TLE3: variants seen among roughly 807,000 people sequenced by gnomAD.
TLE3 encodes TLE family member 3, transcriptional corepressor.
TLE3 carries 14 observed loss-of-function variants against 93.0 expected under a neutral mutation model. The ratio of observed to expected loss-of-function variants is 0.15; its 90% CI spans 0.10 to 0.24. The LOEUF (loss-of-function observed/expected upper bound fraction) is 0.24, where lower values mean the gene tolerates loss of function less well. TLE3 is among the 10% of genes least tolerant of loss of function. The pLI is 1.00. For synonymous variants in TLE3, 451 were observed against 425.0 expected (o/e 1.06, Z -0.75); for missense variants, 693 against 1,046.6 (o/e 0.66, Z 4.66).
intron 8 of TLE3, 51 bp downstream of exon 8, chr15:70,064,403 C>G (rs1399320390): frequency 1.2e-6 from 2 of 1,610,448 alleles, no homozygotes; most frequent in South Asian, 1.1e-5. Flanking sequence ...CGAGTCCCAC[C>G]TCCTCCCAGC....
At chr15:70,095,405 C>G in intron 3 of TLE3, 173 bp downstream of exon 3, 1 of 1,478,932 alleles carries the variant, frequency 6.8e-7, no homozygotes, top group Non-Finnish European at 8.9e-7. Context: ...TCCAAGTGGC[C>G]CCGGCAATGG....
rs1245972901 is a variant in TLE3, at chr15:70,097,471, C to G, written c.-673G>C. On this transcript the variant is annotated 5_prime_UTR_variant, in exon 1 of 20. Transcript: ENST00000451782. ...CTGCCGCTGCCGCCGCCGCCGCCGC[C>G]GCTGCAAGCCCTTCCCAGGGCCGGG... 7 of 415,054 alleles carry G rather than the reference C, an allele frequency of 1.7e-5. No homozygotes were observed. The highest frequency in any genetic ancestry group is 3.0e-5 in the Non-Finnish European group (7 of 236,604). The allele number at this position is 415,054 out of a possible 1,614,324, so 25.7% of individuals were successfully genotyped here.
rs562223144 is a variant in TLE3, at chr15:70,066,102, G to C, written c.489C>G (p.Ser163Arg). Residue 163 changes from serine to arginine, a missense_variant, in exon 7 of 20, where the codon AGC (serine) becomes AGG (arginine). Ser to Arg is a moderately radical substitution (Grantham distance 110). Transcript: ENST00000451782. ...PPGIPPVTGS[S>R]SGLLALGALG... is the part of the protein sequence containing the mutation. ...GGGCGCCCAGTGCCAGCAGCCCGGA[G>C]CTGCTCCCTGTCACTGGGGGGATTC... The C allele has an allele frequency of 6.3e-7, 1 of 1,580,984 alleles. No homozygotes were observed. Among genetic ancestry groups the C allele is most frequent in the Non-Finnish European group, 8.6e-7 (1 of 1,162,490 alleles).
chr15:70,086,618 G>A (rs768707174), intron 4 of TLE3, among the ~76,000 whole-genome samples: 3 of 152,226 alleles, frequency 2.0e-5, no homozygotes, highest in South Asian at 4.1e-4. Flanking sequence ...CAGCGCAAAC[G>A]AAAAAGAAAC....
rs140937473 is a variant in TLE3 at position 70,081,862 on chromosome 15, C to T, written c.235-5704G>A. Among the ~76,000 whole-genome samples, 22 of 152,362 alleles carry T rather than the reference C, an allele frequency of 1.4e-4. No individual in the cohort carries two copies. The East Asian group carries it at 4.0e-3, about 28-fold the overall frequency. ...AAAGCCATGGGGAAGTGACGATTTT[C>T]ATCCCAGCAGGCCTCTGGGTCTCAG... On this transcript the variant is annotated intron_variant, in intron 4 of 19. Coordinates refer to ENST00000451782, the MANE Select transcript of TLE3 (RefSeq NM_001105192.3).
At chr15:70,082,894 A>T (rs2057854184) in intron 4 of TLE3, among the ~76,000 whole-genome samples, 2 of 152,152 alleles carry the variant, frequency 1.3e-5, no homozygotes, top group Admixed American at 1.3e-4. Context: ...TGGGGTTGGG[A>T]CGACCCTTCT....
Position 70,096,913 on chromosome 15 carries a change from C to T in TLE3, c.-115G>A, listed in dbSNP as rs1206256795. ...GGGGGCGGCCGGGAAACCGAGAGCT[C>T]GCCCCCGGCCCCCCCAGCTCGTTCT... On this transcript the variant is annotated 5_prime_UTR_variant, in exon 1 of 20. Coordinates refer to ENST00000451782, the MANE Select transcript of TLE3 (RefSeq NM_001105192.3). The T allele has an allele frequency of 8.6e-7, 1 of 1,158,148 alleles. No homozygotes were observed. Among genetic ancestry groups the T allele is most frequent in the Non-Finnish European group, 1.2e-6 (1 of 808,998 alleles). 71.7% of individuals were successfully genotyped at this position (1,158,148 alleles called of 1,614,324 possible).
At chr15:70,096,344 G>T in intron 1 of TLE3, 83 bp from the exon 2 acceptor site, 1 of 1,519,348 alleles carries the variant, frequency 6.6e-7, no homozygotes, top group East Asian at 2.5e-5. Context: ...CCCCAACGGC[G>T]CCCAACCAAA....
At chr15:70,059,871 T>C (rs1204631245) in intron 9 of TLE3, among the ~76,000 whole-genome samples, 3 of 152,220 alleles carry the variant, frequency 2.0e-5, no homozygotes, top group African/African-American at 7.2e-5. Flanking sequence ...CTGTGTGGGA[T>C]AGTAACTTGC....
intron 4 of TLE3, among the ~76,000 whole-genome samples, chr15:70,078,225 A>G (rs2057547945): frequency 6.6e-6 from 1 of 152,186 alleles, no homozygotes; most frequent in African/African-American, 2.4e-5. Flanking sequence ...GCCTAAATCA[A>G]CTGATAGTAG....
intron 9 of TLE3, among the ~76,000 whole-genome samples, 189 bp from the exon 10 acceptor site, chr15:70,059,649 G>A (rs548693118): frequency 1.7e-4 from 26 of 152,298 alleles, no homozygotes; most frequent in African/African-American, 6.3e-4. Context: ...CTCCCCGTGA[G>A]GCTGTCCCCT....
chr15:70,060,439 CAAG>C, intron 9 of TLE3, 88 bp downstream of exon 9: 1 of 1,552,466 alleles, frequency 6.4e-7, no homozygotes, highest in Admixed American at 1.8e-5. Context: ...CTGCCAACCA[CAAG>C]AAGACCCTGG....
At chr15:70,075,419 C>T (rs569023345) in intron 5 of TLE3, among the ~76,000 whole-genome samples, 2 of 152,210 alleles carry the variant, frequency 1.3e-5, no homozygotes, top group South Asian at 2.1e-4. Flanking sequence ...CTGCAAGCTC[C>T]GAGGGCATTG....
At chr15:70,063,610 A>C (rs2056633471) in intron 8 of TLE3, among the ~76,000 whole-genome samples, 1 of 152,218 alleles carries the variant, frequency 6.6e-6, no homozygotes, top group Non-Finnish European at 1.5e-5. Context: ...GTAATAACCA[A>C]AGCCATCCTA....
At position 70,084,769 on chromosome 15, in the gene TLE3, T is replaced by C. The variant is rs1332410872; in HGVS notation, c.235-8611A>G. On this transcript the variant is annotated intron_variant, in intron 4 of 19. Coordinates refer to ENST00000451782, the MANE Select transcript of TLE3 (RefSeq NM_001105192.3). ...GACCGTAGAGCCAACAAGTCACATA[T>C]GGGAAAGGGCTCTGAGAAATCTTAC... Among the ~76,000 whole-genome samples the C allele has an allele frequency of 3.3e-5, 5 of 152,356 alleles. No homozygotes were observed. The East Asian group carries it at 9.6e-4, about 29-fold the overall frequency.
intron 6 of TLE3, among the ~76,000 whole-genome samples, chr15:70,070,127 AAGAGGCGCT>A (rs1415483328): frequency 6.6e-6 from 1 of 152,178 alleles, no homozygotes; most frequent in Non-Finnish European, 1.5e-5. Flanking sequence ...CCTAACCCCA[AAGAGGCGCT>A]AGGAGCCTGG....
intron 4 of TLE3, among the ~76,000 whole-genome samples, chr15:70,081,764 G>A (rs2057790581): frequency 6.6e-6 from 1 of 152,234 alleles, no homozygotes; most frequent in Non-Finnish European, 1.5e-5. Flanking sequence ...GTGAGTCTGA[G>A]ACCAGTTTGC....
intron 2 of TLE3, 27 bp downstream of exon 2, chr15:70,096,134 C>A (rs2058548299): frequency 6.5e-7 from 1 of 1,541,842 alleles, no homozygotes; most frequent in Non-Finnish European, 8.8e-7. Context: ...TCCCCGCCAG[C>A]CCCGGGGCGG....
At chr15:70,070,767 G>GGATC (rs556442899) in intron 6 of TLE3, among the ~76,000 whole-genome samples, 164 of 152,246 alleles carry the variant, frequency 1.1e-3, no homozygotes, top group Non-Finnish European at 1.8e-3. Flanking sequence ...GCTGAAAGAC[G>GGATC]GATCCTAAGG....
Sources: allele counts gnomAD v4.1 joint callset (sites outside exome capture counted in the v4.1 genomes callset), GRCh38; gene constraint gnomAD v4.1.1; transcripts MANE v1.5; gene names NCBI Gene and HGNC (gene_info 2026-07-23, HGNC 2026-07-21).